The following STEAP3 variants were observed in gnomAD, a reference collection of about 807,000 sequenced individuals.
The protein encoded by STEAP3 is metalloreductase STEAP3.
Under a neutral mutation model 34.9 loss-of-function variants are expected in STEAP3, and 35 were observed. The ratio of observed to expected loss-of-function variants is 1.00; its 90% CI spans 0.76 to 1.33. The LOEUF (loss-of-function observed/expected upper bound fraction) is 1.33, where lower values mean the gene tolerates loss of function less well. STEAP3 is among the 40% of genes most tolerant of loss of function. The probability of loss-of-function intolerance (pLI) is 0.00; values close to 1 mark genes in which losing one functional copy is unlikely to be tolerated. For missense variants in STEAP3, 652 were observed against 667.6 expected (o/e 0.98, Z 0.26); for synonymous variants, 281 against 301.6 (o/e 0.93, Z 0.71).
At chr2:119,240,944 C>A (rs1288715789) in intron 2 of STEAP3, among the ~76,000 whole-genome samples, 2 of 152,156 alleles carry the variant, frequency 1.3e-5, no homozygotes, top group Non-Finnish European at 2.9e-5. Context: ...CCCTGCCAGC[C>A]TTCAGCAGGA....
At chr2:119,260,882 A>T (rs1276283665) in intron 5 of STEAP3, among the ~76,000 whole-genome samples, 1 of 152,186 alleles carries the variant, frequency 6.6e-6, no homozygotes, top group Non-Finnish European at 1.5e-5. Flanking sequence ...GTTGTTAAAG[A>T]CTGGGCCAAG....
chr2:119,234,174 T>TA (rs1677022075), intron 2 of STEAP3, among the ~76,000 whole-genome samples: 1 of 121,122 alleles, frequency 8.3e-6, no homozygotes, highest in Non-Finnish European at 1.9e-5. Context: ...CTCTGCCCTT[T>TA]CCTAACCCCA....
intron 2 of STEAP3, chr2:119,244,502 G>T (rs555921839): frequency 2.0e-5 from 3 of 151,910 alleles, no homozygotes; most frequent in African/African-American, 7.3e-5. Flanking sequence ...ACCTCCTGAA[G>T]TGCTAAGATT....
At chr2:119,250,292 G>A (rs1178935709) in intron 4 of STEAP3, among the ~76,000 whole-genome samples, 1 of 152,212 alleles carries the variant, frequency 6.6e-6, no homozygotes, top group South Asian at 2.1e-4. Context: ...GCCTCAGCTG[G>A]TGTGGGGCGG....
At chr2:119,250,518 CG>C (rs927444286) in intron 4 of STEAP3, among the ~76,000 whole-genome samples, 1 of 152,194 alleles carries the variant, frequency 6.6e-6, no homozygotes, top group African/African-American at 2.4e-5. Flanking sequence ...GGAGGCTCTG[CG>C]GGGCTCCCTG....
At chr2:119,232,498 G>T (rs1262785356) in intron 2 of STEAP3, among the ~76,000 whole-genome samples, 5 of 152,192 alleles carry the variant, frequency 3.3e-5, no homozygotes, top group Non-Finnish European at 7.3e-5. Context: ...GGATGTGCCT[G>T]CCCCGCTCCT....
intron 2 of STEAP3, among the ~76,000 whole-genome samples, chr2:119,232,547 C>G (rs898851120): frequency 6.6e-6 from 1 of 152,170 alleles, no homozygotes; most frequent in African/African-American, 2.4e-5. Context: ...GTAGGGGAGG[C>G]CCGGAGTTTC....
intron 1 of STEAP3, among the ~76,000 whole-genome samples, chr2:119,227,605 T>C (rs1679081526): frequency 1.3e-5 from 2 of 152,172 alleles, no homozygotes; most frequent in Non-Finnish European, 2.9e-5. Flanking sequence ...AGATCACATG[T>C]TTAAGCCTTG....
chr2:119,227,223 G>A (rs1057118364), intron 1 of STEAP3, among the ~76,000 whole-genome samples: 1 of 151,996 alleles, frequency 6.6e-6, no homozygotes, highest in Non-Finnish European at 1.5e-5. Context: ...AAAGACACCC[G>A]CTCCCCTCAC....
rs770293987 is a variant in STEAP3 at position 119,254,802 on chromosome 2, C to T, written c.1169C>T (p.Pro390Leu). 6.2e-6 allele frequency: 10 copies of T among 1,614,042 alleles called. No individual in the cohort carries two copies. In the Admixed American group the frequency reaches 1.3e-4, roughly 22 times the overall value. ...TLSLLAVTSL[P>L]SIANSLNWRE... ...TCCCTGCTGGCCGTGACCTCACTGCCGTCCATTGCAAACTCGCTCAACTGG... is the reference window on the plus strand; with the variant it reads ...TCCCTGCTGGCCGTGACCTCACTGCTGTCCATTGCAAACTCGCTCAACTGG... The change falls in exon 5 of 6, where the codon CCG (proline) becomes CTG (leucine). Residue 390 changes from proline to leucine, a missense_variant. Transcript: ENST00000393110.
At position 119,248,445 on chromosome 2, in the gene STEAP3, A is replaced by C. The variant is rs527995483; in HGVS notation, c.1050+239A>C. 7 of 542,064 alleles carry C rather than the reference A, an allele frequency of 1.3e-5. No homozygotes were observed. The South Asian group carries it at 1.6e-4, about 12-fold the overall frequency. The allele number at this position is 542,064 out of a possible 1,614,324, so 33.6% of individuals were successfully genotyped here. A position where few individuals can be genotyped will look rare whatever the true frequency, so the allele number is the denominator to read the frequency against. On this transcript the variant is annotated intron_variant, in intron 4 of 5. Transcript: ENST00000393110. ...GTACAGCCCAGTTGGGGCAGACTTA[A>C]ACAAAATACAGCAGTGAGTCATAGT...
At chr2:119,236,437 C>G (rs1677095923) in intron 2 of STEAP3, among the ~76,000 whole-genome samples, 1 of 152,198 alleles carries the variant, frequency 6.6e-6, no homozygotes, top group East Asian at 1.9e-4. Flanking sequence ...TGCTGGCTGA[C>G]CTTGCAGTTT....
At chr2:119,252,146 T>G (rs1367108442) in intron 4 of STEAP3, among the ~76,000 whole-genome samples, 3 of 152,238 alleles carry the variant, frequency 2.0e-5, no homozygotes, top group Non-Finnish European at 4.4e-5. Context: ...ACTGCCTTGC[T>G]GCCACTAAGA....
In STEAP3 at chr2:119,263,453, G is replaced by C; in HGVS notation, c.*115G>C. The C allele has an allele frequency of 7.0e-7, 1 of 1,435,412 alleles. No individual in the cohort carries two copies. Among genetic ancestry groups the C allele is most frequent in the Non-Finnish European group, 9.5e-7 (1 of 1,053,834 alleles). The allele number at this position is 1,435,412 out of a possible 1,614,324, so 88.9% of individuals were successfully genotyped here. A position where few individuals can be genotyped will look rare whatever the true frequency, so the allele number is the denominator to read the frequency against. ...ATAACTGTGTGCAAATAGGAGGTTT[G>C]AGGTCCAAATTCCTGGGACTCAAAT... is the stretch of plus-strand genomic sequence containing the variant. On this transcript the variant is annotated 3_prime_UTR_variant, in exon 6 of 6. Coordinates refer to ENST00000393110, the MANE Select transcript of STEAP3 (RefSeq NM_182915.3).
chr2:119,223,870 CG>C lies in STEAP3; in HGVS notation c.-411del, dbSNP rs1678944690. ...GGACCTTCAGCTGCCGCGGTCGCTC[CG>C]AGCGGCGGGCCGCAGAGGTGAGTGT... On this transcript the variant is annotated 5_prime_UTR_variant, in exon 1 of 6. Transcript: ENST00000393110. 1 of 152,312 alleles carries C rather than the reference CG, an allele frequency of 6.6e-6. No individual in the cohort carries two copies. Among genetic ancestry groups the C allele is most frequent in the South Asian group, 2.1e-4 (1 of 4,832 alleles). The allele number at this position is 152,312 out of a possible 1,614,324, so 9.4% of individuals were successfully genotyped here.
At position 119,248,126 on chromosome 2, in the gene STEAP3, G is replaced by T. The variant is rs761629489; in HGVS notation, c.970G>T (p.Ala324Ser). ...CGGGCTGCTCAGCTTCTTCTGCGCC[G>T]CCCTGCACGCCCTCTACAGCTTCTG... ...QIGLLSFFCA[A>S]LHALYSFCLP... The change falls in exon 4 of 6, where the codon GCC becomes TCC. Residue 324 changes from alanine to serine, a missense_variant. Physicochemically the swap from Ala to Ser is moderately conservative, Grantham distance 99 (BLOSUM62 1). Transcript: ENST00000393110. 1.2e-6 allele frequency: 2 copies of T among 1,608,406 alleles called. No individual in the cohort carries two copies. The highest frequency in any genetic ancestry group is 1.7e-5 in the Admixed American group (1 of 59,990).
chr2:119,232,765 A>G (rs838094), intron 2 of STEAP3, among the ~76,000 whole-genome samples: 151,802 of 152,242 alleles, frequency 1, 75,686 homozygotes, highest in Middle Eastern at 1. Context: ...CATGTGGGGA[A>G]GGGTGATCGA....
intron 5 of STEAP3, among the ~76,000 whole-genome samples, chr2:119,259,818 A>T (rs1325157861): frequency 6.6e-6 from 1 of 152,220 alleles, no homozygotes; most frequent in African/African-American, 2.4e-5. Flanking sequence ...AGCCCACGAC[A>T]CAGAGGTGGG....
chr2:119,263,418 G>GAA lies in STEAP3; in HGVS notation c.*80_*81insAA, dbSNP rs1456117693. ...CGTTAGGTTTTCTTTTCTTGGTGGT[G>GAA]CAAAGTGGTATAACTGTGTGCAAAT... On this transcript the variant is annotated 3_prime_UTR_variant, in exon 6 of 6. Transcript: ENST00000393110. 1 of 1,542,250 alleles carries GAA rather than the reference G, an allele frequency of 6.5e-7. No individual in the cohort carries two copies. Among genetic ancestry groups the GAA allele is most frequent in the African/African-American group, 1.4e-5 (1 of 73,224 alleles).
Sources: gnomAD v4.1 joint callset for allele counts (sites outside exome capture counted in the v4.1 genomes callset) on GRCh38, gnomAD v4.1.1 for gene constraint, MANE v1.5 for transcripts, NCBI Gene and HGNC (gene_info 2026-07-23, HGNC 2026-07-21) for gene names.